Variants in LMF1 observed in about 807,000 individuals in gnomAD.
LMF1 encodes transmembrane protein 112.
A neutral mutation model predicts 60.6 loss-of-function variants in LMF1; 68 were observed. That is an observed-to-expected ratio of 1.12 (90% CI 0.92 to 1.37). The LOEUF (loss-of-function observed/expected upper bound fraction) is 1.37, where lower values mean the gene tolerates loss of function less well. Ranked by LOEUF, LMF1 falls within the 40% of genes most tolerant of loss-of-function variation. LMF1 has a pLI of 0.00. For missense variants in LMF1, 948 were observed against 767.2 expected, an observed-to-expected ratio of 1.24 and a Z score of -2.78; for synonymous variants, 418 against 324.7, an observed-to-expected ratio of 1.29 and a Z score of -3.09.
rs556490087 is a variant in LMF1 at position 914,942 on chromosome 16, C to T, written c.515-3863G>A. ...ATCAGTAATGTTCCGTAGTGACTGA[C>T]GCAGAGGGCCACACAGCTCTCAGCC... is the stretch of plus-strand genomic sequence containing the variant. On this transcript the variant is annotated intron_variant, in intron 3 of 10. Coordinates refer to ENST00000262301, the MANE Select transcript of LMF1 (RefSeq NM_022773.4). Among the ~76,000 whole-genome samples, 8 of 152,360 alleles carry T rather than the reference C, an allele frequency of 5.3e-5. No individual in the cohort carries two copies. The South Asian group carries it at 1.4e-3, about 28-fold the overall frequency.
intron 10 of LMF1, among the ~76,000 whole-genome samples, chr16:865,381 C>A (rs985871639): frequency 1.3e-5 from 2 of 152,128 alleles, no homozygotes; most frequent in Non-Finnish European, 2.9e-5. Context: ...GATTGAGTCT[C>A]GCTCTGTTGC....
At chr16:935,985 T>C (rs1597030634) in intron 2 of LMF1, among the ~76,000 whole-genome samples, 1 of 152,374 alleles carries the variant, frequency 6.6e-6, no homozygotes, top group East Asian at 1.9e-4. Context: ...TCTGATATCT[T>C]TTTAAATCAT....
rs1223748297 is a variant in LMF1 at position 906,703 on chromosome 16, T to C, written c.663+4228A>G. ...CTGTGTCACACTGTCTTCATTACGA[T>C]CATTTTTCAGTAAATCCTGGAATCA... On this transcript the variant is annotated intron_variant, in intron 4 of 10. Coordinates refer to ENST00000262301, the MANE Select transcript of LMF1 (RefSeq NM_022773.4). 3.9e-5 allele frequency among the ~76,000 whole-genome samples: 6 copies of C among 152,242 alleles called. 1 individual carries two copies. In the South Asian group the frequency reaches 6.2e-4, roughly 16 times the overall value.
intron 2 of LMF1, among the ~76,000 whole-genome samples, chr16:935,110 T>G (rs1372954623): frequency 6.6e-6 from 1 of 151,990 alleles, no homozygotes; most frequent in Non-Finnish European, 1.5e-5. Flanking sequence ...TCAGAATTTT[T>G]TTTTTTTTTT....
At chr16:913,885 G>A (rs1596981603) in intron 3 of LMF1, among the ~76,000 whole-genome samples, 1 of 152,350 alleles carries the variant, frequency 6.6e-6, no homozygotes, top group South Asian at 2.1e-4. Flanking sequence ...GGCCAGACCT[G>A]CAGGCCCCCG....
intron 3 of LMF1, among the ~76,000 whole-genome samples, chr16:924,485 A>C (rs1380986876): frequency 6.6e-6 from 1 of 152,246 alleles, no homozygotes; most frequent in Admixed American, 6.5e-5. Context: ...GTTGAGAAAC[A>C]AAAGGCCACC....
chr16:979,944 G>C (rs2073296300), intron 1 of LMF1: 1 of 357,742 alleles, frequency 2.8e-6, no homozygotes. Context: ...CGGAGGGCAG[G>C]GCCTCCAGGG....
rs778646907 is a variant in LMF1 at position 870,867 on chromosome 16, C to T, written c.1094G>A (p.Arg365His). 51 of 1,608,438 alleles carry T rather than the reference C, an allele frequency of 3.2e-5. 1 individual carries two copies. The highest frequency in any genetic ancestry group is 1.9e-4 in the South Asian group (17 of 91,008). ...PEPRFGSVVR[R>H]AANVSLGVLL... is the part of the protein sequence containing the mutation. ...GACGCCCAGCGAGACGTTGGCTGCA[C>T]GCCGCACCACGGAGCCTGGCAGGGG... is the stretch of plus-strand genomic sequence containing the variant. The change falls in exon 8 of 11, where the codon CGT (arginine) becomes CAT (histidine). Residue 365 changes from arginine (R) to histidine (H), a missense_variant. Arg to His is a conservative substitution (Grantham distance 29). Coordinates refer to ENST00000262301, the MANE Select transcript of LMF1 (RefSeq NM_022773.4).
At chr16:953,077 C>G (rs2072531709) in intron 2 of LMF1, among the ~76,000 whole-genome samples, 1 of 91,668 alleles carries the variant, frequency 1.1e-5, no homozygotes, top group South Asian at 4.8e-4. Flanking sequence ...ACACCCACTC[C>G]AAACCAGCCT....
intron 2 of LMF1, among the ~76,000 whole-genome samples, chr16:951,743 C>T (rs141095065): frequency 1.8e-3 from 272 of 152,312 alleles, no homozygotes; most frequent in African/African-American, 6.2e-3. Flanking sequence ...CCCCCAGAGG[C>T]GGCGGAACCT....
intron 5 of LMF1, 126 bp downstream of exon 5, chr16:892,881 G>C (rs2070531515): frequency 4.2e-6 from 3 of 712,750 alleles, no homozygotes; most frequent in Middle Eastern, 4.0e-4. Flanking sequence ...AGGACGTCCT[G>C]AATCAATGGG....
At chr16:854,863 C>G in intron 10 of LMF1, 157 bp from the exon 11 acceptor site, 1 of 703,918 alleles carries the variant, frequency 1.4e-6, no homozygotes, top group Non-Finnish European at 2.5e-6. Flanking sequence ...AGACCCCCAG[C>G]AGACCCCGGG....
At chr16:936,444 TGG>T (rs2071949132) in intron 2 of LMF1, among the ~76,000 whole-genome samples, 1 of 117,540 alleles carries the variant, frequency 8.5e-6, no homozygotes, top group Non-Finnish European at 1.7e-5. Context: ...GGAAGGAGGC[TGG>T]GAGGGAGGGA....
chr16:981,347 A>AGAGAGAGAGTGT (rs1302286541), upstream of LMF1: 4 of 96,318 alleles, frequency 4.2e-5, no homozygotes, highest in African/African-American at 7.9e-5. Flanking sequence ...AGAGAGAGAG[A>AGAGAGAGAGTGT]GTGTGTGTGT....
Position 911,083 on chromosome 16 carries a change from A to T in LMF1, c.515-4T>A. On this transcript the variant is annotated splice_polypyrimidine_tract_variant and splice_region_variant and intron_variant, in intron 3 of 10. Coordinates refer to ENST00000262301, the MANE Select transcript of LMF1 (RefSeq NM_022773.4). Reference sequence around the variant, plus strand: ...TCCAGAAGCTGGGACTCCCATCCTAAAACAACGAGACATACCAAAGGTGAG... The same window carrying T: ...TCCAGAAGCTGGGACTCCCATCCTATAACAACGAGACATACCAAAGGTGAG... 1.2e-6 allele frequency: 2 copies of T among 1,610,006 alleles called. No individual in the cohort carries two copies. Among genetic ancestry groups the T allele is most frequent in the Non-Finnish European group, 1.7e-6 (2 of 1,178,528 alleles).
At position 871,424 on chromosome 16, in the gene LMF1, GA is replaced by G. The variant is rs2069789914; in HGVS notation, c.898-84del. On this transcript the variant is annotated intron_variant, in intron 6 of 10. Coordinates refer to ENST00000262301, the MANE Select transcript of LMF1 (RefSeq NM_022773.4). ...CTGGCGCCTCTCTTCCTGGAGCAGG[GA>G]GGGGGGAGGGAACCTGCACCCAGCT... 8.7e-6 allele frequency: 12 copies of G among 1,384,974 alleles called. No individual in the cohort carries two copies. In the South Asian group the frequency reaches 1.0e-4, roughly 12 times the overall value. 85.8% of individuals were successfully genotyped at this position (1,384,974 alleles called of 1,614,324 possible). A position where few individuals can be genotyped will look rare whatever the true frequency, so the allele number is the denominator to read the frequency against.
At position 954,375 on chromosome 16, in the gene LMF1, A is replaced by G. The variant is rs369313218; in HGVS notation, c.485T>C (p.Val162Ala). The change falls in exon 2 of 11, where the codon GTT becomes GCT. Residue 162 changes from valine to alanine, a missense_variant. Transcript: ENST00000262301. ...TACTCACCAGACATGGCCCACATTA[A>G]CCAGGGACATGTAGAGGCCCCACAG... ...AALWGLYMSL[V>A]NVGHVWYSFG... 6.8e-6 allele frequency: 11 copies of G among 1,612,332 alleles called. No individual in the cohort carries two copies. Among genetic ancestry groups the G allele is most frequent in the Non-Finnish European group, 9.3e-6 (11 of 1,179,654 alleles).
chr16:877,308 C>T (rs867961562), intron 6 of LMF1, among the ~76,000 whole-genome samples: 1 of 152,184 alleles, frequency 6.6e-6, no homozygotes, highest in African/African-American at 2.4e-5. Flanking sequence ...ATGTTCACCA[C>T]AAAAACTGCC....
At chr16:920,112 C>T (rs2151765496) in intron 3 of LMF1, among the ~76,000 whole-genome samples, 1 of 152,172 alleles carries the variant, frequency 6.6e-6, no homozygotes, top group South Asian at 2.1e-4. Flanking sequence ...GACATCCACA[C>T]CAGCCCTGGC....
Sources: gnomAD v4.1 joint callset for allele counts (sites outside exome capture counted in the v4.1 genomes callset) on GRCh38, gnomAD v4.1.1 for gene constraint, MANE v1.5 for transcripts, NCBI Gene and HGNC (gene_info 2026-07-23, HGNC 2026-07-21) for gene names.